L3MBTL2: variants seen among roughly 807,000 people sequenced by gnomAD.
L3MBTL2 encodes lethal(3)malignant brain tumor-like protein 2.
In L3MBTL2, 49 loss-of-function variants were observed where a neutral mutation model predicts 86.4. That is an observed-to-expected ratio of 0.57 (90% confidence interval 0.45 to 0.72). L3MBTL2 has a LOEUF of 0.72. L3MBTL2 is among the 30% of genes least tolerant of loss of function. The pLI, the probability that L3MBTL2 is intolerant of heterozygous loss-of-function variation, is 0.00. For missense variants in L3MBTL2, 755 were observed against 923.7 expected, an observed-to-expected ratio of 0.82 and a Z score of 2.37; for synonymous variants, 336 against 350.6, an observed-to-expected ratio of 0.96 and a Z score of 0.47.
intron 16 of L3MBTL2, 22 bp from the exon 17 acceptor site, chr22:41,230,117 C>A: frequency 1.6e-6 from 2 of 1,222,342 alleles, no homozygotes; most frequent in South Asian, 1.2e-5. Context: ...CGCCCACCCA[C>A]CCGCCTCCCC....
chr22:41,217,022 G>T, intron 4 of L3MBTL2, 101 bp from the exon 5 acceptor site: 1 of 837,408 alleles, frequency 1.2e-6, no homozygotes, highest in Non-Finnish European at 2.0e-6. Context: ...GCTGGGGGTG[G>T]GGGACCTACC....
chr22:41,228,599 C>G, intron 15 of L3MBTL2: 1 of 842,188 alleles, frequency 1.2e-6, no homozygotes, highest in Non-Finnish European at 1.4e-6. Flanking sequence ...ACCTGTAATC[C>G]CATCACTTTG....
chr22:41,208,412 G>C (rs989404672), intron 1 of L3MBTL2: 11 of 383,654 alleles, frequency 2.9e-5, no homozygotes, highest in African/African-American at 2.4e-4. Context: ...TTACAGATGT[G>C]AACCACCGTA....
intron 4 of L3MBTL2, 81 bp from the exon 5 acceptor site, chr22:41,217,042 C>A: frequency 8.9e-7 from 1 of 1,125,300 alleles, no homozygotes; most frequent in Non-Finnish European, 1.3e-6. Context: ...CTCTGCAGGT[C>A]CCACAGGGCC....
chr22:41,217,298 A>G, intron 5 of L3MBTL2, 96 bp downstream of exon 5: 1 of 907,464 alleles, frequency 1.1e-6, no homozygotes, highest in Non-Finnish European at 1.8e-6. Flanking sequence ...CTGGACAGTG[A>G]CAGTGGGGAG....
chr22:41,217,505 C>A (rs948399171), intron 5 of L3MBTL2: 29 of 301,732 alleles, frequency 9.6e-5, no homozygotes, highest in Admixed American at 4.0e-4. Flanking sequence ...TCCTTTCTCC[C>A]CCATTTGCAG....
chr22:41,217,295 G>T, intron 5 of L3MBTL2, 93 bp downstream of exon 5: 1 of 921,968 alleles, frequency 1.1e-6, no homozygotes, highest in Admixed American at 1.8e-5. Context: ...AGGCTGGACA[G>T]TGACAGTGGG....
rs2032529248 is a variant in L3MBTL2 at position 41,230,510 on chromosome 22, GC to G, written c.*261del. The G allele has an allele frequency of 2.1e-6, 1 of 467,732 alleles. No individual in the cohort carries two copies. Among genetic ancestry groups the G allele is most frequent in the Non-Finnish European group, 3.8e-6 (1 of 261,832 alleles). 29.0% of individuals were successfully genotyped at this position (467,732 alleles called of 1,614,324 possible). On this transcript the variant is annotated 3_prime_UTR_variant, in exon 17 of 17. Transcript: ENST00000216237. ...ACTCGTCTGTGAACCACCTTTTCCAGCCAGAGTTCCCAAAGCTGGAACGCTA... is the reference window on the plus strand; with the variant it reads ...ACTCGTCTGTGAACCACCTTTTCCAGCAGAGTTCCCAAAGCTGGAACGCTA...
Position 41,227,384 on chromosome 22 carries a change from C to T in L3MBTL2, c.1822+61C>T, listed in dbSNP as rs760078266. The stretch of plus-strand genomic sequence containing the variant: ...TCTTTCCTCTTCTTTTTTCCTTCTT[C>T]CCCCGCCCCTGTGCCCATCTCCGTT... On this transcript the variant is annotated intron_variant, in intron 14 of 16. Transcript: ENST00000216237. The surrounding 1 kb of genome is among the most constrained non-coding windows in gnomAD (Gnocchi z 6.0). 6.2e-6 allele frequency: 9 copies of T among 1,462,714 alleles called. No individual in the cohort carries two copies. The highest frequency in any genetic ancestry group is 5.6e-5 in the African/African-American group (4 of 71,240). 90.6% of individuals were successfully genotyped at this position (1,462,714 alleles called of 1,614,324 possible). A position where few individuals can be genotyped will look rare whatever the true frequency, so the allele number is the denominator to read the frequency against.
In L3MBTL2 at chr22:41,230,324, C is replaced by T. The variant is rs1243295466; in HGVS notation, c.*73C>T. 8.9e-7 allele frequency: 1 copy of T among 1,118,490 alleles called. No homozygotes were observed. The highest frequency in any genetic ancestry group is 1.4e-6 in the Non-Finnish European group (1 of 737,636). The allele number at this position is 1,118,490 out of a possible 1,614,324, so 69.3% of individuals were successfully genotyped here. A position where few individuals can be genotyped will look rare whatever the true frequency, so the allele number is the denominator to read the frequency against. On this transcript the variant is annotated 3_prime_UTR_variant, in exon 17 of 17. Coordinates refer to ENST00000216237, the MANE Select transcript of L3MBTL2 (RefSeq NM_031488.5). ...TTCTCTACCACCACCACCATGCCTCCACCTGACTTTGGCTTGGAGACTGAT... is the reference window on the plus strand; with the variant it reads ...TTCTCTACCACCACCACCATGCCTCTACCTGACTTTGGCTTGGAGACTGAT...
intron 6 of L3MBTL2, among the ~76,000 whole-genome samples, chr22:41,220,045 C>A (rs2031698042): frequency 6.6e-6 from 1 of 152,118 alleles, no homozygotes; most frequent in Non-Finnish European, 1.5e-5. Context: ...CTGGAAACCC[C>A]AATTTTTAAA....
Position 41,227,359 on chromosome 22 carries a change from T to C in L3MBTL2, c.1822+36T>C, listed in dbSNP as rs764616541. The C allele has an allele frequency of 1.8e-5, 28 of 1,524,428 alleles. No individual in the cohort carries two copies. The East Asian group carries it at 4.9e-4, about 27-fold the overall frequency. The allele number at this position is 1,524,428 out of a possible 1,614,324, so 94.4% of individuals were successfully genotyped here. On this transcript the variant is annotated intron_variant, in intron 14 of 16. Coordinates refer to ENST00000216237, the MANE Select transcript of L3MBTL2 (RefSeq NM_031488.5). This position sits in a 1 kb window ranked among gnomAD's most constrained non-coding sequence, Gnocchi z 6.0. ...TCGTGGCCCTAAGAGGCTCTGACTTTCTTTCCTCTTCTTTTTTCCTTCTTC... is the reference window on the plus strand; with the variant it reads ...TCGTGGCCCTAAGAGGCTCTGACTTCCTTTCCTCTTCTTTTTTCCTTCTTC...
intron 12 of L3MBTL2, among the ~76,000 whole-genome samples, chr22:41,226,447 GCT>G (rs1601534594): frequency 6.6e-6 from 1 of 152,318 alleles, no homozygotes; most frequent in East Asian, 1.9e-4. Flanking sequence ...GATGAACAGA[GCT>G]CCCACTTATC....
chr22:41,205,318 A>G lies in L3MBTL2; in HGVS notation c.-45A>G. 1.2e-6 allele frequency: 2 copies of G among 1,613,148 alleles called. No individual in the cohort carries two copies. On this transcript the variant is annotated 5_prime_UTR_variant, in exon 1 of 17. Transcript: ENST00000216237. ...TCGCGGAGAGCGACGGGGCAGGCCA[A>G]TATGGCTTCCTGCACCTGGTGACGC...
At chr22:41,221,325 C>G (rs2031804733) in intron 8 of L3MBTL2, 38 bp downstream of exon 8, 1 of 1,506,916 alleles carries the variant, frequency 6.6e-7, no homozygotes, top group Admixed American at 2.0e-5. Flanking sequence ...CCTCCTTCCG[C>G]TCTTCCATTT....
chr22:41,218,016 C>G (rs139464), intron 5 of L3MBTL2: 59,437 of 152,050 alleles, frequency 0.39, 11,936 homozygotes, highest in Middle Eastern at 0.47. Flanking sequence ...CCTGAATTCT[C>G]TAATAGTTTC....
rs565957877 is a variant in L3MBTL2 at position 41,211,222 on chromosome 22, G to A, written c.262+1289G>A. 3.7e-4 allele frequency among the ~76,000 whole-genome samples: 56 copies of A among 152,118 alleles called. No individual in the cohort carries two copies. In the South Asian group the frequency reaches 0.012, roughly 32 times the overall value. On this transcript the variant is annotated intron_variant, in intron 2 of 16. Transcript: ENST00000216237. ...CAAACTTTTTTTGTTTTATTTTGAG[G>A]CAGGGTCTCACTCTGTCACCCTGGC...
chr22:41,206,923 G>C (rs1018235132), intron 1 of L3MBTL2, among the ~76,000 whole-genome samples: 112 of 152,090 alleles, frequency 7.4e-4, no homozygotes, highest in African/African-American at 2.6e-3. Context: ...TGGAGAATAA[G>C]AATAGCAAGT....
At chr22:41,228,828 C>T (rs931374089) in intron 15 of L3MBTL2, among the ~76,000 whole-genome samples, 5 of 140,196 alleles carry the variant, frequency 3.6e-5, no homozygotes, top group African/African-American at 1.1e-4. Flanking sequence ...CCAGCCTGGG[C>T]GGAAGAGGGA....
Sources: allele counts gnomAD v4.1 joint callset (sites outside exome capture counted in the v4.1 genomes callset), GRCh38; gene constraint gnomAD v4.1.1; non-coding constraint Gnocchi (gnomAD v3.1); transcripts MANE v1.5; gene names NCBI Gene and HGNC (gene_info 2026-07-23, HGNC 2026-07-21).